TSHZ3: variants seen among roughly 807,000 people sequenced by gnomAD.
TSHZ3 encodes the protein teashirt zinc finger homeobox 3, also known as teashirt homolog 3.
In TSHZ3, 10 loss-of-function variants were observed where a neutral mutation model predicts 64.5. The ratio of observed to expected loss-of-function variants is 0.16; its 90% CI spans 0.10 to 0.26. The LOEUF is 0.26. TSHZ3 is among the 10% of genes least tolerant of loss of function. The probability of loss-of-function intolerance (pLI) is 1.00; values close to 1 mark genes in which losing one functional copy is unlikely to be tolerated. For synonymous variants in TSHZ3, 608 were observed against 593.1 expected, an observed-to-expected ratio of 1.03 and a Z score of -0.36; for missense variants, 1,242 against 1,421.7, an observed-to-expected ratio of 0.87 and a Z score of 2.03.
At chr19:31,159,337 G>T (rs1173749003) in intron 5 of TSHZ3, among the ~76,000 whole-genome samples, 1 of 152,152 alleles carries the variant, frequency 6.6e-6, no homozygotes, top group Non-Finnish European at 1.5e-5. Context: ...CGTGATTACA[G>T]ATTATCTAGA....
chr19:31,189,120 T>C (rs1205636257), intron 5 of TSHZ3, among the ~76,000 whole-genome samples: 3 of 151,926 alleles, frequency 2.0e-5, no homozygotes, highest in Admixed American at 1.3e-4. Context: ...GTGATCATCC[T>C]TTTTATTACC....
At chr19:31,292,601 C>T (rs1468532754) in intron 1 of TSHZ3, among the ~76,000 whole-genome samples, 2 of 152,140 alleles carry the variant, frequency 1.3e-5, no homozygotes, top group African/African-American at 4.8e-5. Context: ...GACGAAGCAA[C>T]TGATTCACTC....
chr19:31,269,435 C>T (rs1049025329), intron 1 of TSHZ3, among the ~76,000 whole-genome samples: 1 of 152,000 alleles, frequency 6.6e-6, no homozygotes, highest in Admixed American at 6.6e-5. Context: ...ACAGACACAC[C>T]TATCTCATTC....
Position 31,171,419 on chromosome 19 carries a change from A to AT in TSHZ3, n.810-15003dup, listed in dbSNP as rs1208808104. On this transcript the variant is annotated intron_variant and non_coding_transcript_variant, in intron 5 of 6. Transcript: ENST00000651361. Reference sequence around the variant, plus strand: ...CAACTGATTCAAATTAGGGGTTTATATAGCAGGGAAGAAATGTAACTATGT... The same window carrying AT: ...CAACTGATTCAAATTAGGGGTTTATATTAGCAGGGAAGAAATGTAACTATGT... Among the ~76,000 whole-genome samples the AT allele has an allele frequency of 2.6e-5, 4 of 152,134 alleles. No homozygotes were observed. The East Asian group carries it at 7.7e-4, about 29-fold the overall frequency.
At chr19:31,183,804 C>T (rs944137206) in intron 5 of TSHZ3, among the ~76,000 whole-genome samples, 6 of 152,072 alleles carry the variant, frequency 3.9e-5, no homozygotes, top group Admixed American at 6.6e-5. Flanking sequence ...GGTGAACAGG[C>T]GCTGGAGTGT....
chr19:31,279,331 ACTGCTG>A lies in TSHZ3; in HGVS notation c.456_461del (p.Ser158_Ser159del). 1 of 1,612,474 alleles carries A rather than the reference ACTGCTG, an allele frequency of 6.2e-7. No individual in the cohort carries two copies. The highest frequency in any genetic ancestry group is 8.5e-7 in the Non-Finnish European group (1 of 1,179,016). ...CGCTGCCACAGCTGCTGCTGCTGCT[ACTGCTG>A]CTGCTGCTGCTGCCGTTGTTCTTCT... On this transcript the variant is annotated inframe_deletion, in exon 2 of 2. Transcript: ENST00000240587. This position sits in a 1 kb window ranked among gnomAD's most constrained non-coding sequence, Gnocchi z 6.4.
intron 5 of TSHZ3, among the ~76,000 whole-genome samples, chr19:31,195,245 A>G (rs1247904850): frequency 6.6e-6 from 1 of 152,142 alleles, no homozygotes; most frequent in Non-Finnish European, 1.5e-5. Context: ...TAGGAAGCTC[A>G]GAGAACACCA....
In TSHZ3 at chr19:31,152,488, A is replaced by G. The variant is rs548805292; in HGVS notation, n.872-744T>C. 1.6e-4 allele frequency among the ~76,000 whole-genome samples: 24 copies of G among 152,280 alleles called. 1 individual carries two copies. The South Asian group carries it at 4.8e-3, about 30-fold the overall frequency. The stretch of plus-strand genomic sequence containing the variant: ...AAGAATAAATAAATACTGTAAGTGG[A>G]AGACATCCTCTTGAGTTCACAGCCT... On this transcript the variant is annotated intron_variant and non_coding_transcript_variant, in intron 6 of 6. Coordinates refer to the TSHZ3 transcript ENST00000651361.
chr19:31,304,249 A>T (rs1976803363), intron 1 of TSHZ3, among the ~76,000 whole-genome samples: 1 of 152,204 alleles, frequency 6.6e-6, no homozygotes, highest in African/African-American at 2.4e-5. Context: ...TTGGGATTAC[A>T]GGCTTGAGTC....
intron 3 of TSHZ3, among the ~76,000 whole-genome samples, chr19:31,240,652 G>C (rs1707900802): frequency 6.6e-6 from 1 of 152,048 alleles, no homozygotes; most frequent in Admixed American, 6.5e-5. Context: ...TTTGAAAACT[G>C]TTATTAAGCA....
intron 1 of TSHZ3, among the ~76,000 whole-genome samples, chr19:31,283,403 C>G (rs1976400560): frequency 6.6e-6 from 1 of 152,180 alleles, no homozygotes; most frequent in South Asian, 2.1e-4. Context: ...TTTCACTACT[C>G]TGAGAATATT....
At chr19:31,234,481 C>G (rs1207047388) in intron 3 of TSHZ3, among the ~76,000 whole-genome samples, 3 of 152,148 alleles carry the variant, frequency 2.0e-5, no homozygotes, top group Admixed American at 2.0e-4. Flanking sequence ...AGCATTCTGG[C>G]TTTAACCATT....
chr19:31,300,819 C>T (rs930781629), intron 1 of TSHZ3, among the ~76,000 whole-genome samples: 8 of 152,160 alleles, frequency 5.3e-5, no homozygotes, highest in African/African-American at 1.9e-4. Context: ...CCAGAACCAG[C>T]TAGATGACCA....
At chr19:31,349,795 C>A (rs2021653427), upstream of TSHZ3, among the ~76,000 whole-genome samples, 1 of 148,186 alleles carries the variant, frequency 6.7e-6, no homozygotes, top group Non-Finnish European at 1.5e-5. Context: ...CGGGGCTCGG[C>A]GGTCCAGTCT....
At chr19:31,318,633 G>C (rs962452282) in intron 1 of TSHZ3, among the ~76,000 whole-genome samples, 1 of 151,930 alleles carries the variant, frequency 6.6e-6, no homozygotes, top group East Asian at 1.9e-4. Flanking sequence ...GTAATTTTTA[G>C]TATCATGAAT....
chr19:31,309,689 T>C (rs1916400666), intron 1 of TSHZ3, among the ~76,000 whole-genome samples: 1 of 152,146 alleles, frequency 6.6e-6, no homozygotes, highest in African/African-American at 2.4e-5. Flanking sequence ...AAGCATTAAA[T>C]AATGTGGCGC....
rs1976303868 is a variant in TSHZ3 at position 31,278,812 on chromosome 19, C to T, written c.981G>A (p.Glu327=). The T allele has an allele frequency of 4.3e-6, 7 of 1,614,040 alleles. No individual in the cohort carries two copies. Among genetic ancestry groups the T allele is most frequent in the Non-Finnish European group, 5.9e-6 (7 of 1,180,044 alleles). The change falls in exon 2 of 2, where the codon GAG becomes GAA. Residue 327 remains glutamate (E), a synonymous_variant. Coordinates refer to ENST00000240587, the MANE Select transcript of TSHZ3 (RefSeq NM_020856.4). This position sits in a 1 kb window ranked among gnomAD's most constrained non-coding sequence, Gnocchi z 4.7. ...AATCTGGGGAGCTGGGGAGCTCCAGCTCCAGGGAAGCTTTCTTCCGAGTGG... is the reference window on the plus strand; with the variant it reads ...AATCTGGGGAGCTGGGGAGCTCCAGTTCCAGGGAAGCTTTCTTCCGAGTGG... ...IPATRKKASL[E]LELPSSPDST...
chr19:31,312,233 G>A (rs544551556), intron 1 of TSHZ3, among the ~76,000 whole-genome samples: 1 of 152,346 alleles, frequency 6.6e-6, no homozygotes. Flanking sequence ...TGGAAACTAT[G>A]AATCAGCAGA....
intron 5 of TSHZ3, among the ~76,000 whole-genome samples, chr19:31,183,604 G>A (rs188814661): frequency 2.0e-5 from 3 of 152,304 alleles, no homozygotes; most frequent in African/African-American, 7.2e-5. Flanking sequence ...GGAACCAGGT[G>A]TGTTAGGGGG....
Sources: allele counts gnomAD v4.1 joint callset (sites outside exome capture counted in the v4.1 genomes callset), GRCh38; gene constraint gnomAD v4.1.1; non-coding constraint Gnocchi (gnomAD v3.1); transcripts MANE v1.5; gene names NCBI Gene and HGNC (gene_info 2026-07-23, HGNC 2026-07-21).